Variants in GLI3 observed in about 807,000 individuals in gnomAD.
The protein encoded by GLI3 is GLI family zinc finger 3.
GLI3 carries 20 observed loss-of-function variants against 100.8 expected under a neutral mutation model. That is an observed-to-expected ratio of 0.20 (90% CI 0.14 to 0.29). GLI3 has a LOEUF of 0.29. Ranked by LOEUF, GLI3 falls within the 10% of genes least tolerant of loss-of-function variation. The pLI is 1.00. For synonymous variants in GLI3, 938 were observed against 860.5 expected, an observed-to-expected ratio of 1.09 and a Z score of -1.58; for missense variants, 2,040 against 2,128.5, an observed-to-expected ratio of 0.96 and a Z score of 0.82.
chr7:42,216,937 T>C (rs1219744276), intron 2 of GLI3, among the ~76,000 whole-genome samples: 2 of 152,218 alleles, frequency 1.3e-5, no homozygotes, highest in African/African-American at 2.4e-5. Flanking sequence ...AGAAGATATC[T>C]AAATGTTAAG....
intron 2 of GLI3, chr7:42,152,460 C>T: frequency 1.6e-5 from 15 of 954,266 alleles, no homozygotes; most frequent in Non-Finnish European, 1.9e-5. Flanking sequence ...CTCTGCCTCC[C>T]TCTCCCTCTC....
At chr7:42,112,824 T>C (rs2128767211) in intron 3 of GLI3, among the ~76,000 whole-genome samples, 1 of 152,202 alleles carries the variant, frequency 6.6e-6, no homozygotes, top group South Asian at 2.1e-4. Flanking sequence ...TGTGCCCACA[T>C]GAGATCATGC....
chr7:42,065,293 C>A (rs560078243), intron 4 of GLI3, among the ~76,000 whole-genome samples: 1 of 150,482 alleles, frequency 6.6e-6, no homozygotes, highest in Admixed American at 6.6e-5. Context: ...TAAATGCAGA[C>A]CCCTGGTTAG....
In GLI3 at chr7:41,965,659, G is replaced by T. The variant is rs762389791; in HGVS notation, c.3414C>A (p.His1138Gln). The change falls in exon 15 of 15, where the codon CAC (histidine) becomes CAA (glutamine). Residue 1138 changes from histidine to glutamine, a missense_variant. By Grantham distance (24) the His-to-Gln change is conservative. Transcript: ENST00000395925. Reference sequence around the variant, plus strand: ...CGAGGGCATGGAACTGCTGGCCAGCGTGGCTGTCTGGCAGCCCGGGCGCGT... The same window carrying T: ...CGAGGGCATGGAACTGCTGGCCAGCTTGGCTGTCTGGCAGCCCGGGCGCGT... ...DFDAPGLPDS[H>Q]AGQQFHALEQ... The T allele has an allele frequency of 6.2e-7, 1 of 1,612,684 alleles. No homozygotes were observed. The highest frequency in any genetic ancestry group is 1.1e-5 in the South Asian group (1 of 91,032).
At chr7:41,982,851 A>G (rs182563289) in intron 10 of GLI3, among the ~76,000 whole-genome samples, 15 of 152,336 alleles carry the variant, frequency 9.8e-5, no homozygotes, top group Admixed American at 6.5e-4. Flanking sequence ...GGACAGACCA[A>G]TTCACCTATT....
chr7:42,049,230 G>A (rs1394014413), intron 4 of GLI3, among the ~76,000 whole-genome samples: 2 of 152,236 alleles, frequency 1.3e-5, no homozygotes, highest in African/African-American at 2.4e-5. Context: ...AGAGCTGTCC[G>A]TAAGGAAGAA....
chr7:42,029,924 G>A (rs1473437903), intron 7 of GLI3, among the ~76,000 whole-genome samples: 2 of 152,182 alleles, frequency 1.3e-5, no homozygotes, highest in Non-Finnish European at 2.9e-5. Flanking sequence ...CAGTGTGCCT[G>A]GCAGAGCAGA....
Position 42,024,169 on chromosome 7 carries a change from C to T in GLI3, c.1357-561G>A, listed in dbSNP as rs111811459. On this transcript the variant is annotated intron_variant, in intron 9 of 14. Coordinates refer to ENST00000395925, the MANE Select transcript of GLI3 (RefSeq NM_000168.6). ...AGACTTTATAGGGATAATGCCCTCT[C>T]GATTCAACCTCTGATCTCTAAGGAT... Among the ~76,000 whole-genome samples the T allele has an allele frequency of 3.8e-3, 579 of 152,290 alleles. 10 individuals carry two copies. Among genetic ancestry groups the T allele is most frequent in the African/African-American group, 0.012 (514 of 41,566 alleles).
intron 2 of GLI3, among the ~76,000 whole-genome samples, chr7:42,182,471 G>A (rs1339694367): frequency 2.0e-5 from 3 of 149,522 alleles, no homozygotes; most frequent in African/African-American, 7.4e-5. Flanking sequence ...CCCTGTAAAC[G>A]CATGCTCTTT....
intron 4 of GLI3, among the ~76,000 whole-genome samples, chr7:42,049,301 T>G (rs1784306525): frequency 6.6e-6 from 1 of 152,202 alleles, no homozygotes; most frequent in Non-Finnish European, 1.5e-5. Flanking sequence ...TCCAGGCACA[T>G]GTCTGTTTAA....
At chr7:42,100,022 G>A (rs1321228581) in intron 3 of GLI3, among the ~76,000 whole-genome samples, 1 of 152,246 alleles carries the variant, frequency 6.6e-6, no homozygotes, top group Non-Finnish European at 1.5e-5. Flanking sequence ...ATTGGATAAT[G>A]TGTTTATAAA....
At chr7:42,037,946 A>C (rs769102805) in intron 7 of GLI3, among the ~76,000 whole-genome samples, 15 of 152,340 alleles carry the variant, frequency 9.8e-5, no homozygotes, top group Admixed American at 9.1e-4. Flanking sequence ...ACCATATTCT[A>C]ATCTATGTCC....
At chr7:42,189,461 T>C (rs1182355265) in intron 2 of GLI3, among the ~76,000 whole-genome samples, 9 of 152,244 alleles carry the variant, frequency 5.9e-5, no homozygotes, top group Admixed American at 5.9e-4. Context: ...GTACTAATCA[T>C]ACCCTTATAA....
intron 1 of GLI3, among the ~76,000 whole-genome samples, chr7:42,254,628 T>G (rs574129587): frequency 1.3e-5 from 2 of 152,378 alleles, no homozygotes; most frequent in African/African-American, 4.8e-5. Flanking sequence ...CTGTAGTGAG[T>G]GATTTTTCTA....
intron 2 of GLI3, among the ~76,000 whole-genome samples, chr7:42,211,261 G>T (rs1788267838): frequency 6.6e-6 from 1 of 152,046 alleles, no homozygotes; most frequent in African/African-American, 2.4e-5. Context: ...AAATCAAAAG[G>T]TAAATAAATG....
intron 2 of GLI3, among the ~76,000 whole-genome samples, chr7:42,170,423 GAC>G (rs1176978618): frequency 1.1e-5 from 1 of 87,834 alleles, no homozygotes; most frequent in Non-Finnish European, 2.1e-5. Context: ...TTTTTTTTGA[GAC>G]AGTGTCTCGC....
At chr7:41,974,583 G>C (rs1007236566) in intron 12 of GLI3, among the ~76,000 whole-genome samples, 5 of 152,314 alleles carry the variant, frequency 3.3e-5, no homozygotes, top group Admixed American at 1.3e-4. Flanking sequence ...AAGATGCAAT[G>C]ATCTGTAATA....
intron 5 of GLI3, among the ~76,000 whole-genome samples, chr7:42,048,125 A>T (rs1319223905): frequency 2.0e-5 from 3 of 152,218 alleles, no homozygotes; most frequent in Non-Finnish European, 4.4e-5. Flanking sequence ...ACGTGTGTGA[A>T]TGGCTACAGG....
chr7:41,996,278 T>G (rs1788121237), intron 10 of GLI3, among the ~76,000 whole-genome samples: 1 of 151,800 alleles, frequency 6.6e-6, no homozygotes, highest in Non-Finnish European at 1.5e-5. Context: ...AATTATTTGT[T>G]GGAACAATTA....
Sources: allele counts gnomAD v4.1 joint callset (sites outside exome capture counted in the v4.1 genomes callset), GRCh38; gene constraint gnomAD v4.1.1; transcripts MANE v1.5; gene names NCBI Gene and HGNC (gene_info 2026-07-23, HGNC 2026-07-21).